Variants in CAMTA1 observed in about 807,000 individuals in gnomAD.
The protein encoded by CAMTA1 is calmodulin-binding transcription activator 1.
In CAMTA1, 27 loss-of-function variants were observed where a neutral mutation model predicts 170.9. That is an observed-to-expected ratio of 0.16 (90% CI 0.12 to 0.22). The LOEUF is 0.22. Among genes scored for constraint, CAMTA1 ranks in the 10% least tolerant of loss-of-function variants. The pLI is 1.00. For synonymous variants in CAMTA1, 833 were observed against 891.5 expected, an observed-to-expected ratio of 0.93 and a Z score of 1.17; for missense variants, 1,619 against 2,217.2, an observed-to-expected ratio of 0.73 and a Z score of 5.42.
intron 3 of CAMTA1, among the ~76,000 whole-genome samples, chr1:6,941,010 T>C (rs981185311): frequency 2.9e-5 from 3 of 104,422 alleles, no homozygotes; most frequent in Non-Finnish European, 3.9e-5. Flanking sequence ...ACAGGGAAGG[T>C]GTGTCCTCAG....
intron 3 of CAMTA1, chr1:6,886,190 A>G (rs1300817476): frequency 1.5e-5 from 7 of 455,398 alleles, no homozygotes; most frequent in African/African-American, 4.0e-5. Context: ...TGTAAACTTA[A>G]TAAGTGTTTT....
chr1:7,366,317 T>C lies in CAMTA1; in HGVS notation c.439-101513T>C, dbSNP rs537296343. On this transcript the variant is annotated intron_variant, in intron 5 of 22. Transcript: ENST00000303635. ...CCTCATTGCCTGCCCTGTTCTTGCC[T>C]GGCCGCACTGAGCTCCACATGAGGT... 3.3e-5 allele frequency among the ~76,000 whole-genome samples: 5 copies of C among 152,314 alleles called. No individual in the cohort carries two copies. The South Asian group carries it at 1.0e-3, about 32-fold the overall frequency.
chr1:7,264,232 A>C (rs950901607), intron 5 of CAMTA1, among the ~76,000 whole-genome samples: 1 of 152,202 alleles, frequency 6.6e-6, no homozygotes, highest in East Asian at 1.9e-4. Flanking sequence ...GAGATGCTGC[A>C]TTGATAGCAA....
intron 6 of CAMTA1, among the ~76,000 whole-genome samples, chr1:7,576,262 G>A (rs553982598): frequency 1.3e-5 from 2 of 152,078 alleles, no homozygotes; most frequent in Admixed American, 6.5e-5. Flanking sequence ...CATCCGCCTC[G>A]GCCACCCAAA....
chr1:7,482,030 T>C lies in CAMTA1; in HGVS notation c.510+14129T>C, dbSNP rs898706621. Among the ~76,000 whole-genome samples the C allele has an allele frequency of 6.6e-6, 1 of 152,100 alleles. No individual in the cohort carries two copies. Among genetic ancestry groups the C allele is most frequent in the Admixed American group, 6.5e-5 (1 of 15,274 alleles). On this transcript the variant is annotated intron_variant, in intron 6 of 22. Coordinates refer to ENST00000303635, the MANE Select transcript of CAMTA1 (RefSeq NM_015215.4). This position sits in a 1 kb window ranked among gnomAD's most constrained non-coding sequence, Gnocchi z 4.2. Reference sequence around the variant, plus strand: ...CACCACTGTTCTGATTTCTCCACTATAGGTTCATTTTTTCTGTTCTAGAAC... The same window carrying C: ...CACCACTGTTCTGATTTCTCCACTACAGGTTCATTTTTTCTGTTCTAGAAC...
intron 11 of CAMTA1, among the ~76,000 whole-genome samples, chr1:7,697,836 G>A (rs1006246213): frequency 6.6e-6 from 1 of 152,104 alleles, no homozygotes; most frequent in Admixed American, 6.5e-5. Flanking sequence ...AGCAAACACT[G>A]TTTCTCCCCA....
intron 6 of CAMTA1, among the ~76,000 whole-genome samples, chr1:7,594,275 T>C (rs997352150): frequency 3.4e-5 from 5 of 146,294 alleles, no homozygotes; most frequent in Non-Finnish European, 7.6e-5. Context: ...GAGGTGGTAT[T>C]TGAGCTGCGG....
intron 5 of CAMTA1, among the ~76,000 whole-genome samples, chr1:7,465,874 C>T (rs941285664): frequency 6.6e-6 from 1 of 152,148 alleles, no homozygotes; most frequent in African/African-American, 2.4e-5. Flanking sequence ...ACGGTCTTTT[C>T]AAGTCCAAGA....
chr1:7,374,098 G>T (rs1237449338), intron 5 of CAMTA1, among the ~76,000 whole-genome samples: 1 of 152,218 alleles, frequency 6.6e-6, no homozygotes, highest in Non-Finnish European at 1.5e-5. Flanking sequence ...GTGGAAGTCC[G>T]GAGTTAGTAC....
chr1:6,876,886 T>G (rs911095843), intron 3 of CAMTA1, among the ~76,000 whole-genome samples: 1 of 152,220 alleles, frequency 6.6e-6, no homozygotes, highest in Non-Finnish European at 1.5e-5. Context: ...AAGATGGATT[T>G]GGACCATTCA....
intron 5 of CAMTA1, among the ~76,000 whole-genome samples, chr1:7,255,128 G>C (rs1667172065): frequency 6.6e-6 from 1 of 152,066 alleles, no homozygotes; most frequent in South Asian, 2.1e-4. Context: ...CACATACCTG[G>C]GCCTGTCAGG....
intron 1 of CAMTA1, among the ~76,000 whole-genome samples, chr1:6,796,132 C>CTTTT (rs978363793): frequency 1.7e-4 from 12 of 70,946 alleles, no homozygotes; most frequent in African/African-American, 2.9e-4. Flanking sequence ...AATAGCATTT[C>CTTTT]TTTTTTTTTT....
intron 3 of CAMTA1, among the ~76,000 whole-genome samples, chr1:6,915,254 G>A (rs531277561): frequency 6.6e-6 from 1 of 152,160 alleles, no homozygotes; most frequent in Non-Finnish European, 1.5e-5. Context: ...AGGTTTCAGA[G>A]ATTAGATTTT....
intron 3 of CAMTA1, among the ~76,000 whole-genome samples, chr1:7,026,425 A>G (rs1396818626): frequency 6.6e-6 from 1 of 152,048 alleles, no homozygotes; most frequent in Admixed American, 6.5e-5. Context: ...CGGTGGGAGA[A>G]GGGAAATGAC....
rs1376340578 is a variant in CAMTA1, at chr1:7,592,073, A to G, written c.511-48327A>G. On this transcript the variant is annotated intron_variant, in intron 6 of 22. Coordinates refer to ENST00000303635, the MANE Select transcript of CAMTA1 (RefSeq NM_015215.4). This position sits in a 1 kb window ranked among gnomAD's most constrained non-coding sequence, Gnocchi z 4.6. ...GCCACCATACCTAGCTAATTTTTAT[A>G]TTTTTAGTAGAGATGGGGTTTCATC... Among the ~76,000 whole-genome samples the G allele has an allele frequency of 6.6e-6, 1 of 151,926 alleles. No individual in the cohort carries two copies. The highest frequency in any genetic ancestry group is 1.5e-5 in the Non-Finnish European group (1 of 67,986).
At chr1:6,926,425 CTT>C (rs918333919) in intron 3 of CAMTA1, among the ~76,000 whole-genome samples, 10 of 140,832 alleles carry the variant, frequency 7.1e-5, no homozygotes, top group African/African-American at 1.3e-4. Context: ...TTTCTTTTCT[CTT>C]TCTTTCTTTT....
chr1:7,236,566 C>T (rs756369123), intron 4 of CAMTA1, among the ~76,000 whole-genome samples: 9 of 152,148 alleles, frequency 5.9e-5, no homozygotes, highest in South Asian at 2.1e-4. Flanking sequence ...GGCTGTGCGA[C>T]GTTGGGGAAG....
intron 6 of CAMTA1, among the ~76,000 whole-genome samples, chr1:7,530,134 C>G (rs564712459): frequency 6.6e-6 from 1 of 152,316 alleles, no homozygotes; most frequent in South Asian, 2.1e-4. Context: ...TGCCCAGACC[C>G]CTCTGCCCAC....
rs139763622 is a variant in CAMTA1, at chr1:7,326,967, C to T, written c.438+77341C>T. ...AAGTGCACTGTGACAGCCAAGCGAA[C>T]AAAAAAGGATGAAGAAGGAGGAGGT... is the stretch of plus-strand genomic sequence containing the variant. On this transcript the variant is annotated intron_variant, in intron 5 of 22. Coordinates refer to ENST00000303635, the MANE Select transcript of CAMTA1 (RefSeq NM_015215.4). Among the ~76,000 whole-genome samples the T allele has an allele frequency of 9.1e-3, 1,386 of 151,788 alleles. 26 individuals are homozygous for T. The highest frequency in any genetic ancestry group is 0.031 in the African/African-American group (1,276 of 41,380).
Sources: gnomAD v4.1 joint callset for allele counts (sites outside exome capture counted in the v4.1 genomes callset) on GRCh38, gnomAD v4.1.1 for gene constraint, Gnocchi (gnomAD v3.1) non-coding constraint, MANE v1.5 for transcripts, NCBI Gene and HGNC (gene_info 2026-07-23, HGNC 2026-07-21) for gene names.